The following DNAH5 variants were observed in gnomAD, a reference collection of about 807,000 sequenced individuals.
The protein encoded by DNAH5 is dynein axonemal heavy chain 5.
Under a neutral mutation model 518.2 loss-of-function variants are expected in DNAH5, and 372 were observed. The ratio of observed to expected loss-of-function variants is 0.72; its 90% CI spans 0.66 to 0.78. The LOEUF (loss-of-function observed/expected upper bound fraction) is 0.78, where lower values mean the gene tolerates loss of function less well. Among genes scored for constraint, DNAH5 ranks in the 30% least tolerant of loss-of-function variants. The pLI is 0.00. For missense variants in DNAH5, 5,523 were observed against 5,687.0 expected (o/e 0.97, Z 0.93); for synonymous variants, 2,039 against 2,025.9 (o/e 1.01, Z -0.17).
In DNAH5 at chr5:13,692,009, AC is replaced by A; in HGVS notation, c.13849del (p.Val4617LeufsTer28). ...QTPEHWVLRG[V>X]ALLCDVK The stretch of plus-strand genomic sequence containing the variant: ...TTACTTGACATCACACAGAAGGGCA[AC>A]CCCACGGAGCACCCAGTGTTCAGGG... On this transcript the variant is annotated frameshift_variant, in exon 79 of 79. Transcript: ENST00000265104. LOFTEE classifies it high-confidence loss of function. The A allele has an allele frequency of 6.2e-7, 1 of 1,614,002 alleles. No homozygotes were observed. Among genetic ancestry groups the A allele is most frequent in the South Asian group, 1.1e-5 (1 of 91,078 alleles).
chr5:13,701,204 T>C, intron 77 of DNAH5, 80 bp downstream of exon 77: 2 of 1,571,966 alleles, frequency 1.3e-6, no homozygotes, highest in African/African-American at 1.4e-5. Context: ...TGTCTTATTA[T>C]AGTCTTTAAA....
intron 1 of DNAH5, among the ~76,000 whole-genome samples, chr5:13,932,928 T>C (rs934916173): frequency 1.3e-5 from 2 of 152,230 alleles, no homozygotes; most frequent in Admixed American, 1.3e-4. Context: ...ACAGATAACA[T>C]GCAGGTTCTC....
chr5:13,901,405 G>A lies in DNAH5; in HGVS notation c.1899C>T (p.Leu633=). ...IAGKILWARQ[L]FHRIQQPMQL... is the part of the protein sequence containing the mutation. ...GCATGGGCTGCTGAATCCTATGGAA[G>A]AGCTGGCGGGCCCACAAAATCTTTC... is the stretch of plus-strand genomic sequence containing the variant. Residue 633 remains leucine, a synonymous_variant, in exon 14 of 79, where the codon CTC becomes CTT. Coordinates refer to ENST00000265104, the MANE Select transcript of DNAH5 (RefSeq NM_001369.3). 1 of 1,614,174 alleles carries A rather than the reference G, an allele frequency of 6.2e-7. No individual in the cohort carries two copies. The highest frequency in any genetic ancestry group is 8.5e-7 in the Non-Finnish European group (1 of 1,180,028).
At chr5:13,916,766 G>C (rs1466267621) in intron 8 of DNAH5, among the ~76,000 whole-genome samples, 1 of 151,712 alleles carries the variant, frequency 6.6e-6, no homozygotes, top group African/African-American at 2.4e-5. Context: ...GTAAAAGCAG[G>C]CACTTCCGAA....
intron 30 of DNAH5, among the ~76,000 whole-genome samples, chr5:13,852,819 G>A (rs1274813368): frequency 6.6e-6 from 1 of 152,312 alleles, no homozygotes; most frequent in Non-Finnish European, 1.5e-5. Context: ...TGCCTCTCTA[G>A]ATTCCTCCTC....
At chr5:13,847,273 C>A (rs1056754393) in intron 31 of DNAH5, among the ~76,000 whole-genome samples, 1 of 151,652 alleles carries the variant, frequency 6.6e-6, no homozygotes, top group Non-Finnish European at 1.5e-5. Flanking sequence ...CTTATAACCT[C>A]TTCTGGGTAA....
At chr5:13,820,572 C>A in intron 40 of DNAH5, 73 bp from the exon 41 acceptor site, 1 of 1,576,126 alleles carries the variant, frequency 6.3e-7, no homozygotes. Flanking sequence ...CGCCTGTAAT[C>A]CCAACAATTT....
chr5:13,989,947 G>A (rs1033007821), intron 1 of DNAH5, among the ~76,000 whole-genome samples: 1 of 152,030 alleles, frequency 6.6e-6, no homozygotes, highest in African/African-American at 2.4e-5. Flanking sequence ...CTCACTTAAT[G>A]TTCACAACAG....
chr5:13,858,092 C>T (rs1045452494), intron 30 of DNAH5, among the ~76,000 whole-genome samples: 6 of 152,152 alleles, frequency 3.9e-5, no homozygotes, highest in Admixed American at 2.0e-4. Flanking sequence ...GACTATAAAT[C>T]AATCTACTAT....
At chr5:13,920,752 C>A (rs542196093) in intron 5 of DNAH5, 135 bp from the exon 6 acceptor site, 2 of 854,892 alleles carry the variant, frequency 2.3e-6, no homozygotes, top group African/African-American at 3.4e-5. Context: ...CTCCTCTCCA[C>A]TCCCACGTGC....
intron 9 of DNAH5, among the ~76,000 whole-genome samples, chr5:13,915,542 G>A (rs925094369): frequency 1.3e-5 from 2 of 151,996 alleles, no homozygotes; most frequent in Non-Finnish European, 2.9e-5. Flanking sequence ...AAGGAAGTTG[G>A]GAGGGAATCT....
At chr5:13,894,228 T>C (rs1257624496) in intron 16 of DNAH5, among the ~76,000 whole-genome samples, 1 of 152,256 alleles carries the variant, frequency 6.6e-6, no homozygotes, top group Non-Finnish European at 1.5e-5. Context: ...ACATATATTT[T>C]AGACTATTAT....
chr5:13,838,313 A>G (rs774219325), intron 35 of DNAH5, among the ~76,000 whole-genome samples: 3 of 152,162 alleles, frequency 2.0e-5, no homozygotes, highest in Admixed American at 6.5e-5. Flanking sequence ...GTATTGGTCC[A>G]TGGTCTGTTA....
At chr5:13,872,286 C>T (rs1195858476) in intron 22 of DNAH5, among the ~76,000 whole-genome samples, 1 of 152,090 alleles carries the variant, frequency 6.6e-6, no homozygotes, top group African/African-American at 2.4e-5. Context: ...GAAGGACAAA[C>T]AGAAAATAGC....
intron 22 of DNAH5, among the ~76,000 whole-genome samples, chr5:13,875,331 G>A (rs1327055183): frequency 6.6e-6 from 1 of 152,006 alleles, no homozygotes; most frequent in African/African-American, 2.4e-5. Flanking sequence ...GCCCAGTGTG[G>A]TGGTGCATGC....
chr5:13,873,865 G>T (rs1770496323), intron 22 of DNAH5, among the ~76,000 whole-genome samples: 1 of 152,032 alleles, frequency 6.6e-6, no homozygotes. Flanking sequence ...CTTATATTAT[G>T]ATTTCAGAGT....
At chr5:14,008,166 C>T (rs642736) in intron 1 of DNAH5, among the ~76,000 whole-genome samples, 57,065 of 140,424 alleles carry the variant, frequency 0.41, 11,914 homozygotes, top group East Asian at 0.81. Context: ...AGCGAGAATC[C>T]GTCTTAGAAA....
chr5:13,752,329 C>A lies in DNAH5; in HGVS notation c.10873-40G>T, dbSNP rs778157893. On this transcript the variant is annotated intron_variant, in intron 63 of 78. Transcript: ENST00000265104. ...ACAAGGTTGCTATTGGCAGACATTACCATGAAGCAATGCACAGGGATAACT... is the reference window on the plus strand; with the variant it reads ...ACAAGGTTGCTATTGGCAGACATTAACATGAAGCAATGCACAGGGATAACT... 8.7e-6 allele frequency: 14 copies of A among 1,608,144 alleles called. No individual in the cohort carries two copies. In the East Asian group the frequency reaches 2.9e-4, roughly 33 times the overall value.
intron 27 of DNAH5, among the ~76,000 whole-genome samples, chr5:13,865,356 T>C (rs1326905152): frequency 3.3e-5 from 5 of 152,164 alleles, no homozygotes; most frequent in Non-Finnish European, 7.3e-5. Flanking sequence ...GCCCCTGCTT[T>C]TGTTCCAGAT....
Sources: allele counts gnomAD v4.1 joint callset (sites outside exome capture counted in the v4.1 genomes callset), GRCh38; gene constraint gnomAD v4.1.1; transcripts MANE v1.5; gene names NCBI Gene and HGNC (gene_info 2026-07-23, HGNC 2026-07-21).